Variants in WIZ observed in about 807,000 individuals in gnomAD.
WIZ encodes WIZ zinc finger.
Under a neutral mutation model 140.2 loss-of-function variants are expected in WIZ, and 25 were observed. That is an observed-to-expected ratio of 0.18 (90% CI 0.13 to 0.25). The LOEUF is 0.25. Ranked by LOEUF, WIZ falls within the 10% of genes least tolerant of loss-of-function variation. The pLI is 1.00. For synonymous variants in WIZ, 1,125 were observed against 1,154.3 expected, an observed-to-expected ratio of 0.97 and a Z score of 0.51; for missense variants, 2,231 against 2,632.6, an observed-to-expected ratio of 0.85 and a Z score of 3.34.
intron 12 of WIZ, among the ~76,000 whole-genome samples, 184 bp from the exon 13 acceptor site, chr19:15,423,419 G>C (rs1263953574): frequency 6.6e-6 from 1 of 152,148 alleles, no homozygotes; most frequent in African/African-American, 2.4e-5. Context: ...CTCACCATGG[G>C]GTCATGGCAG....
Position 15,440,206 on chromosome 19 carries a change from G to A in WIZ, c.788C>T (p.Thr263Ile), listed in dbSNP as rs1489713632. 1 of 1,525,616 alleles carries A rather than the reference G, an allele frequency of 6.6e-7. No individual in the cohort carries two copies. 94.5% of individuals were successfully genotyped at this position (1,525,616 alleles called of 1,614,324 possible). ...GLPTSASEVATQTWTVNSEAS... is the reference protein window; with the variant it reads ...GLPTSASEVAIQTWTVNSEAS... ...CTCCGAGTTCACTGTCCAGGTCTGTGTGGCTACCTCCGAGGCTGACGTGGG... is the reference window on the plus strand; with the variant it reads ...CTCCGAGTTCACTGTCCAGGTCTGTATGGCTACCTCCGAGGCTGACGTGGG... Residue 263 changes from threonine (T) to isoleucine (I), a missense_variant, in exon 4 of 13, where the codon ACA (threonine) becomes ATA (isoleucine). By Grantham distance (89) the Thr-to-Ile change is moderately conservative. Coordinates refer to ENST00000673675, the MANE Select transcript of WIZ (RefSeq NM_001371589.1). This position sits in a 1 kb window ranked among gnomAD's most constrained non-coding sequence, Gnocchi z 6.2.
At chr19:15,426,680 A>G (rs1476147357) in intron 9 of WIZ, among the ~76,000 whole-genome samples, 1 of 152,216 alleles carries the variant, frequency 6.6e-6, no homozygotes, top group Non-Finnish European at 1.5e-5. Context: ...GGATCCCCGC[A>G]GTCTTTCTCC....
chr19:15,447,176 T>TG (rs571081335), intron 2 of WIZ, among the ~76,000 whole-genome samples: 91 of 151,650 alleles, frequency 6.0e-4, no homozygotes, highest in African/African-American at 2.0e-3. Context: ...GAGATGGGGG[T>TG]GGGGGGTGTG....
Position 15,428,376 on chromosome 19 carries a change from C to G in WIZ, c.3548G>C (p.Gly1183Ala). The change falls in exon 8 of 13, where the codon GGA (glycine) becomes GCA (alanine). Residue 1183 changes from glycine (G) to alanine (A), a missense_variant. Coordinates refer to ENST00000673675, the MANE Select transcript of WIZ (RefSeq NM_001371589.1). The surrounding 1 kb of genome is among the most constrained non-coding windows in gnomAD (Gnocchi z 6.4). ...HLGVSDPDAK[G>A]SPIDVLHGLI... ...CCCGTGGAGCACGTCTATGGGGGAT[C>G]CCTTGGCGTCCGGATCGCTGACGCC... The G allele has an allele frequency of 6.5e-7, 1 of 1,535,470 alleles. No homozygotes were observed. Among genetic ancestry groups the G allele is most frequent in the Non-Finnish European group, 8.7e-7 (1 of 1,146,728 alleles).
rs1333906310 is a variant in WIZ at position 15,439,299 on chromosome 19, C to G, written c.1695G>C (p.Lys565Asn). Residue 565 changes from lysine (K) to asparagine (N), a missense_variant, in exon 4 of 13, where the codon AAG (lysine) becomes AAC (asparagine). Physicochemically the swap from Lys to Asn is moderately conservative, Grantham distance 94 (BLOSUM62 0). Around this residue, in one of 15 missense-constraint regions of WIZ, gnomAD observed 475 missense variants for 520.2 expected, o/e 0.91. Transcript: ENST00000673675. This position sits in a 1 kb window ranked among gnomAD's most constrained non-coding sequence, Gnocchi z 7.0. ...QLSIRDFPLSKPLLHGTGQRP... is the reference protein window; with the variant it reads ...QLSIRDFPLSNPLLHGTGQRP... The stretch of plus-strand genomic sequence containing the variant: ...TCTGGCCCGTGCCATGCAGGAGTGG[C>G]TTTGACAGCGGGAAATCTCTGATGC... 1 of 1,535,492 alleles carries G rather than the reference C, an allele frequency of 6.5e-7. No individual in the cohort carries two copies. The highest frequency in any genetic ancestry group is 1.2e-5 in the South Asian group (1 of 83,936).
In WIZ at chr19:15,425,418, T is replaced by C. The variant is rs775593222; in HGVS notation, c.4717A>G (p.Ser1573Gly). The change falls in exon 10 of 13, where the codon AGC (serine) becomes GGC (glycine). Residue 1573 changes from serine to glycine, a missense_variant. By Grantham distance (56) the Ser-to-Gly change is moderately conservative. Transcript: ENST00000673675. Reference sequence around the variant, plus strand: ...TTGGCCCCAGTGATGGGCGTCAGGCTGAGCTCACGAGGAACCTGGGCCGGC... The same window carrying C: ...TTGGCCCCAGTGATGGGCGTCAGGCCGAGCTCACGAGGAACCTGGGCCGGC... ...AGPAQVPREL[S>G]LTPITGAKPS... The C allele has an allele frequency of 3.1e-5, 48 of 1,560,562 alleles. No individual in the cohort carries two copies. The highest frequency in any genetic ancestry group is 4.0e-5 in the Non-Finnish European group (46 of 1,152,238).
chr19:15,424,122 A>G lies in WIZ; in HGVS notation c.5510+61T>C. On this transcript the variant is annotated intron_variant, in intron 12 of 12. Coordinates refer to ENST00000673675, the MANE Select transcript of WIZ (RefSeq NM_001371589.1). The surrounding 1 kb of genome is among the most constrained non-coding windows in gnomAD (Gnocchi z 9.7). ...TTCCACCAAACCCTATCCTGTTCCA[A>G]GGCTCCGGGTGACCAAGGTCCACTC... 7.1e-7 allele frequency: 1 copy of G among 1,401,712 alleles called. No individual in the cohort carries two copies. The highest frequency in any genetic ancestry group is 9.4e-7 in the Non-Finnish European group (1 of 1,067,024). 86.8% of individuals were successfully genotyped at this position (1,401,712 alleles called of 1,614,324 possible).
At chr19:15,441,334 T>C (rs940363448) in intron 3 of WIZ, among the ~76,000 whole-genome samples, 1 of 152,120 alleles carries the variant, frequency 6.6e-6, no homozygotes, top group Non-Finnish European at 1.5e-5. Flanking sequence ...AGGTAACCAC[T>C]CTGGGCCTCA....
At chr19:15,432,809 C>T (rs1007979802) in intron 5 of WIZ, among the ~76,000 whole-genome samples, 1 of 151,552 alleles carries the variant, frequency 6.6e-6, no homozygotes, top group Non-Finnish European at 1.5e-5. Flanking sequence ...CCCCGCCCCT[C>T]AGGGCGCGCC....
Position 15,425,540 on chromosome 19 carries a change from A to G in WIZ, c.4595T>C (p.Leu1532Pro), listed in dbSNP as rs1212489029. 2 of 1,612,156 alleles carry G rather than the reference A, an allele frequency of 1.2e-6. No homozygotes were observed. Residue 1532 changes from leucine (L) to proline (P), a missense_variant, in exon 10 of 13, where the codon CTG (leucine) becomes CCG (proline). Leu to Pro is a moderately conservative substitution (Grantham distance 98). This residue lies in a region of WIZ where 393 missense variants were observed against 451.7 expected (regional missense o/e 0.87). Coordinates refer to ENST00000673675, the MANE Select transcript of WIZ (RefSeq NM_001371589.1). ...CACGGTGGGAGGCCCGTCCTCAGCCAGGGCAGGGGCCAGGTCTCCAGCCGG... is the reference window on the plus strand; with the variant it reads ...CACGGTGGGAGGCCCGTCCTCAGCCGGGGCAGGGGCCAGGTCTCCAGCCGG... ...EPPAGDLAPA[L>P]AEDGPPTVAP...
chr19:15,445,233 C>G (rs1031033766), intron 2 of WIZ, among the ~76,000 whole-genome samples: 1 of 152,180 alleles, frequency 6.6e-6, no homozygotes, highest in Non-Finnish European at 1.5e-5. Context: ...GCCTGAACTC[C>G]AAGCCTGGGG....
At position 15,428,308 on chromosome 19, in the gene WIZ, G is replaced by A. The variant is rs1339121835; in HGVS notation, c.3616C>T (p.Arg1206Cys). 6.5e-7 allele frequency: 1 copy of A among 1,533,242 alleles called. No homozygotes were observed. The highest frequency in any genetic ancestry group is 8.7e-7 in the Non-Finnish European group (1 of 1,145,800). 95.0% of individuals were successfully genotyped at this position (1,533,242 alleles called of 1,614,324 possible). A position where few individuals can be genotyped will look rare whatever the true frequency, so the allele number is the denominator to read the frequency against. Residue 1206 changes from arginine (R) to cysteine (C), a missense_variant, in exon 8 of 13, where the codon CGC becomes TGC. This residue lies in a region of WIZ where 141 missense variants were observed against 161.2 expected (regional missense o/e 0.87). Coordinates refer to ENST00000673675, the MANE Select transcript of WIZ (RefSeq NM_001371589.1). This position sits in a 1 kb window ranked among gnomAD's most constrained non-coding sequence, Gnocchi z 6.4. ...DGVQIRLPPR[R>C]GALAHPGRPP... The stretch of plus-strand genomic sequence containing the variant: ...CGCCCCGGGTGGGCCAGGGCGCCGC[G>A]CCTGGGTGGGAGGCGGATCTGGACG...
rs1446744434 is a variant in WIZ, at chr19:15,420,164, TA to T, written c.*2911del. 1 of 152,238 alleles carries T rather than the reference TA, an allele frequency of 6.6e-6. No individual in the cohort carries two copies. The highest frequency in any genetic ancestry group is 6.5e-5 in the Admixed American group (1 of 15,286). 9.4% of individuals were successfully genotyped at this position (152,238 alleles called of 1,614,324 possible). A position where few individuals can be genotyped will look rare whatever the true frequency, so the allele number is the denominator to read the frequency against. ...GAGAGAGGAGGAGGAAGCAAGGAGCTATAAGATAAATCTCTGACAGCTGAAG... is the reference window on the plus strand; with the variant it reads ...GAGAGAGGAGGAGGAAGCAAGGAGCTTAAGATAAATCTCTGACAGCTGAAG... On this transcript the variant is annotated 3_prime_UTR_variant, in exon 13 of 13. Transcript: ENST00000673675.
Position 15,428,526 on chromosome 19 carries a change from A to AGGG in WIZ, c.3416-21_3416-19dup. The AGGG allele has an allele frequency of 6.6e-7, 1 of 1,514,892 alleles. No homozygotes were observed. The highest frequency in any genetic ancestry group is 8.8e-7 in the Non-Finnish European group (1 of 1,134,826). The allele number at this position is 1,514,892 out of a possible 1,614,324, so 93.8% of individuals were successfully genotyped here. On this transcript the variant is annotated intron_variant, in intron 7 of 12. Transcript: ENST00000673675. This position sits in a 1 kb window ranked among gnomAD's most constrained non-coding sequence, Gnocchi z 6.4. ...ATCTAAAGCTGCGGAGACAAAACACAGGGGGGGTTCACGGCCGCCACCTTG... is the reference window on the plus strand; with the variant it reads ...ATCTAAAGCTGCGGAGACAAAACACAGGGGGGGGGGTTCACGGCCGCCACCTTG...
Position 15,439,168 on chromosome 19 carries a change from C to A in WIZ, c.1826G>T (p.Arg609Leu), listed in dbSNP as rs532844573. 6.5e-7 allele frequency: 1 copy of A among 1,532,762 alleles called. No individual in the cohort carries two copies. Among genetic ancestry groups the A allele is most frequent in the Non-Finnish European group, 8.7e-7 (1 of 1,144,736 alleles). 94.9% of individuals were successfully genotyped at this position (1,532,762 alleles called of 1,614,324 possible). The change falls in exon 4 of 13, where the codon CGG becomes CTG. Residue 609 changes from arginine to leucine, a missense_variant. By Grantham distance (102) the Arg-to-Leu change is moderately radical. Coordinates refer to ENST00000673675, the MANE Select transcript of WIZ (RefSeq NM_001371589.1). The surrounding 1 kb of genome is among the most constrained non-coding windows in gnomAD (Gnocchi z 7.0). ...CTCCTCTTCGCTCCAAGGGCGCCTC[C>A]GTTCCCCCAGCCCTTGTGGGTGGAC... ...STVHPQGLGE[R>L]RRPWSEEEEE...
intron 5 of WIZ, among the ~76,000 whole-genome samples, chr19:15,435,329 C>A (rs758977923): frequency 1.3e-5 from 2 of 151,902 alleles, no homozygotes; most frequent in Non-Finnish European, 2.9e-5. Context: ...AGGGGCCAGG[C>A]GTGATGGCTC....
At chr19:15,431,245 G>A (rs1890763467) in intron 5 of WIZ, 63 bp from the exon 6 acceptor site, 2 of 1,428,448 alleles carry the variant, frequency 1.4e-6, no homozygotes, top group Non-Finnish European at 1.8e-6. Flanking sequence ...CCAGAACTAA[G>A]AAGATGGCCT....
At position 15,449,284 on chromosome 19, in the gene WIZ, C is replaced by T. The variant is rs116119665; in HGVS notation, c.-61+514G>A. Among the ~76,000 whole-genome samples the T allele has an allele frequency of 2.5e-3, 376 of 152,094 alleles. 3 individuals are homozygous for T. Among genetic ancestry groups the T allele is most frequent in the African/African-American group, 8.7e-3 (359 of 41,492 alleles). On this transcript the variant is annotated intron_variant, in intron 1 of 12. Coordinates refer to ENST00000673675, the MANE Select transcript of WIZ (RefSeq NM_001371589.1). The stretch of plus-strand genomic sequence containing the variant: ...CCGGGGCGCCAGGCCTGGTTGCAGG[C>T]GCTGCCCTCGGGGGCCTGGGGATTC...
At chr19:15,449,251 G>C (rs1275467849) in intron 1 of WIZ, among the ~76,000 whole-genome samples, 2 of 152,124 alleles carry the variant, frequency 1.3e-5, no homozygotes, top group African/African-American at 2.4e-5. Flanking sequence ...CAGGCAACCG[G>C]GGCGGGGCCG....
Sources: allele counts gnomAD v4.1 joint callset (sites outside exome capture counted in the v4.1 genomes callset), GRCh38; gene constraint gnomAD v4.1.1; regional missense constraint gnomAD v4.1.1; non-coding constraint Gnocchi (gnomAD v3.1); transcripts MANE v1.5; gene names NCBI Gene and HGNC (gene_info 2026-07-23, HGNC 2026-07-21).